Variants in JAKMIP3 observed in about 807,000 individuals in gnomAD.
JAKMIP3 encodes Janus kinase and microtubule interacting protein 3, also known as janus kinase and microtubule-interacting protein 3.
A neutral mutation model predicts 118.5 loss-of-function variants in JAKMIP3; 58 were observed. That is an observed-to-expected ratio of 0.49 (90% confidence interval 0.40 to 0.61). The LOEUF (loss-of-function observed/expected upper bound fraction) is 0.61. Ranked by LOEUF, JAKMIP3 falls within the 20% of genes least tolerant of loss-of-function variation. The probability of loss-of-function intolerance (pLI) is 0.00; values close to 1 mark genes in which losing one functional copy is unlikely to be tolerated. For missense variants in JAKMIP3, 950 were observed against 1,109.0 expected, an observed-to-expected ratio of 0.86 and a Z score of 2.04; for synonymous variants, 486 against 451.2, an observed-to-expected ratio of 1.08 and a Z score of -0.98.
intron 1 of JAKMIP3, among the ~76,000 whole-genome samples, chr10:132,078,867 C>T (rs1237385073): frequency 2.0e-5 from 3 of 152,260 alleles, no homozygotes; most frequent in Non-Finnish European, 4.4e-5. Context: ...TGCTGGCTGC[C>T]AGGCCTAGGG....
intron 13 of JAKMIP3, among the ~76,000 whole-genome samples, chr10:132,147,374 C>T (rs748501014): frequency 6.6e-6 from 1 of 152,218 alleles, no homozygotes; most frequent in East Asian, 1.9e-4. Context: ...TCACTTGACC[C>T]TTTGGAAGGG....
intron 13 of JAKMIP3, among the ~76,000 whole-genome samples, 179 bp from the exon 14 acceptor site, chr10:132,147,773 C>A (rs2054925106): frequency 6.6e-6 from 1 of 152,238 alleles, no homozygotes; most frequent in Non-Finnish European, 1.5e-5. Context: ...GATGGCTAGG[C>A]TATCTCACTA....
At chr10:132,078,619 C>CGG (rs10568086) in intron 1 of JAKMIP3, among the ~76,000 whole-genome samples, 14 of 134,008 alleles carry the variant, frequency 1.0e-4, no homozygotes, top group South Asian at 9.5e-4. Flanking sequence ...TCTCTGGGGG[C>CGG]GGGGGGGGGG....
rs978333068 is a variant in JAKMIP3, at chr10:132,167,053, G to A, written c.*20G>A. The A allele has an allele frequency of 1.0e-5, 16 of 1,546,272 alleles. No homozygotes were observed. The highest frequency in any genetic ancestry group is 1.7e-4 in the Middle Eastern group (1 of 6,006). On this transcript the variant is annotated splice_region_variant and 3_prime_UTR_variant, in exon 22 of 24. Transcript: ENST00000684848. ...TCATAGTCCGTCTTGGCACCCTGACGTGGTGAGTATTTCGTTGGCAGGGCC... is the reference window on the plus strand; with the variant it reads ...TCATAGTCCGTCTTGGCACCCTGACATGGTGAGTATTTCGTTGGCAGGGCC...
At chr10:132,086,602 A>G (rs189939403) in intron 1 of JAKMIP3, among the ~76,000 whole-genome samples, 6 of 152,296 alleles carry the variant, frequency 3.9e-5, no homozygotes, top group Admixed American at 3.9e-4. Flanking sequence ...GCCTTTTATC[A>G]TTATATAATG....
At chr10:132,143,815 GGGGCCCAC>G (rs1426073110) in intron 11 of JAKMIP3, 2 of 152,216 alleles carry the variant, frequency 1.3e-5, no homozygotes, top group Non-Finnish European at 2.9e-5. Context: ...GAGGCTGCAG[GGGGCCCAC>G]AGCCCTCTGT....
At chr10:132,121,490 G>A (rs1031785146) in intron 3 of JAKMIP3, among the ~76,000 whole-genome samples, 4 of 152,220 alleles carry the variant, frequency 2.6e-5, no homozygotes, top group East Asian at 1.9e-4. Context: ...CGGCCTCACC[G>A]GGCCCTGGGT....
intron 21 of JAKMIP3, among the ~76,000 whole-genome samples, chr10:132,165,912 C>T (rs1183020849): frequency 4.6e-5 from 7 of 152,220 alleles, no homozygotes; most frequent in South Asian, 2.1e-4. Context: ...CCGGCCTTGC[C>T]GGGAGGGGAC....
At chr10:132,175,855 T>G (rs2060093772) in intron 23 of JAKMIP3, among the ~76,000 whole-genome samples, 1 of 152,236 alleles carries the variant, frequency 6.6e-6, no homozygotes, top group Admixed American at 6.5e-5. Flanking sequence ...ATGCTCTGCA[T>G]CATAGACCAG....
In JAKMIP3 at chr10:132,148,011, C is replaced by T. The variant is rs746702515; in HGVS notation, c.1809C>T (p.Asp603=). ...GACACGAGGTGCAGGACGCCAGAGACCAAAACGAGCTGCTGGAGTTCAGGA... is the reference window on the plus strand; with the variant it reads ...GACACGAGGTGCAGGACGCCAGAGATCAAAACGAGCTGCTGGAGTTCAGGA... ...RLRHEVQDAR[D]QNELLEFRIL... is the part of the protein sequence containing the mutation. The change falls in exon 14 of 24, where the codon GAC becomes GAT. Residue 603 remains aspartate, a synonymous_variant. Transcript: ENST00000684848. 4 of 1,610,754 alleles carry T rather than the reference C, an allele frequency of 2.5e-6. No individual in the cohort carries two copies. The highest frequency in any genetic ancestry group is 4.5e-5 in the East Asian group (2 of 44,802).
chr10:132,051,817 G>A (rs2038114063), intron 1 of JAKMIP3, among the ~76,000 whole-genome samples: 1 of 152,094 alleles, frequency 6.6e-6, no homozygotes, highest in South Asian at 2.1e-4. Context: ...ACATTGCCCA[G>A]GTTGCTCTCA....
intron 1 of JAKMIP3, among the ~76,000 whole-genome samples, chr10:132,068,644 G>C (rs569736496): frequency 6.6e-6 from 1 of 152,182 alleles, no homozygotes; most frequent in Admixed American, 6.5e-5. Flanking sequence ...TTAGCCCCAG[G>C]AGCTGCCTGG....
intron 3 of JAKMIP3, among the ~76,000 whole-genome samples, chr10:132,131,497 A>C (rs1204439771): frequency 1.3e-5 from 2 of 151,418 alleles, no homozygotes; most frequent in Admixed American, 1.3e-4. Context: ...GCTCTGGGGC[A>C]CCCGGGGGCT....
At chr10:132,107,303 T>C (rs2046064971) in intron 2 of JAKMIP3, among the ~76,000 whole-genome samples, 1 of 152,218 alleles carries the variant, frequency 6.6e-6, no homozygotes, top group African/African-American at 2.4e-5. Context: ...TGTGCAGTTT[T>C]GCCAAAACAC....
Position 132,137,281 on chromosome 10 carries a change from A to T in JAKMIP3, c.1276A>T (p.Ser426Cys). Residue 426 changes from serine to cysteine, a missense_variant, in exon 8 of 24, where the codon AGC becomes TGC. Ser to Cys is a moderately radical substitution (Grantham distance 112). Transcript: ENST00000684848. ...CCTTGAGACCGCCGGCTACGTGAAG[A>T]GCGTGTTAGTAAGTATGGTCAGCGC... Reference protein sequence around the residue: ...KTLETAGYVKSVLERDKLLRF... With the variant: ...KTLETAGYVKCVLERDKLLRF... 1 of 1,613,776 alleles carries T rather than the reference A, an allele frequency of 6.2e-7. No individual in the cohort carries two copies. Among genetic ancestry groups the T allele is most frequent in the Non-Finnish European group, 8.5e-7 (1 of 1,179,864 alleles).
intron 20 of JAKMIP3, among the ~76,000 whole-genome samples, chr10:132,163,849 G>T (rs757310990): frequency 2.6e-5 from 4 of 152,212 alleles, no homozygotes; most frequent in African/African-American, 4.8e-5. Flanking sequence ...TTTCCTGATG[G>T]CAAGGATGTT....
intron 1 of JAKMIP3, among the ~76,000 whole-genome samples, chr10:132,070,212 T>A (rs7903122): frequency 0.77 from 116,946 of 151,914 alleles, 46,292 homozygotes; most frequent in East Asian, 1. Flanking sequence ...CAGTGGCGCG[T>A]TCTTGGCTTA....
chr10:132,047,631 A>AC lies in JAKMIP3; in HGVS notation c.-138+10901dup, dbSNP rs528647437. Among the ~76,000 whole-genome samples, 553 of 93,170 alleles carry AC rather than the reference A, an allele frequency of 5.9e-3. 4 individuals are homozygous for AC. Among genetic ancestry groups the AC allele is most frequent in the African/African-American group, 0.019 (497 of 26,366 alleles). The allele number at this position is 93,170 out of a possible 152,430, so 61.1% of individuals were successfully genotyped here. A position where few individuals can be genotyped will look rare whatever the true frequency, so the allele number is the denominator to read the frequency against. ...ATCCTCCTCCTGACCCAGGGTCCCCACCCCCCCCTGCGAGTTGGCGGTGTA... is the reference window on the plus strand; with the variant it reads ...ATCCTCCTCCTGACCCAGGGTCCCCACCCCCCCCCTGCGAGTTGGCGGTGTA... On this transcript the variant is annotated intron_variant, in intron 1 of 23. Coordinates refer to the JAKMIP3 transcript ENST00000657785.
chr10:132,071,180 TG>T (rs2039779444), intron 1 of JAKMIP3, among the ~76,000 whole-genome samples: 1 of 152,004 alleles, frequency 6.6e-6, no homozygotes, highest in African/African-American at 2.4e-5. Context: ...TGTGTGTGTG[TG>T]TGTGTGTGTG....
Sources: gnomAD v4.1 joint callset for allele counts (sites outside exome capture counted in the v4.1 genomes callset) on GRCh38, gnomAD v4.1.1 for gene constraint, MANE v1.5 for transcripts, NCBI Gene and HGNC (gene_info 2026-07-23, HGNC 2026-07-21) for gene names.